The following ALG6 variants were observed in gnomAD, a reference collection of about 807,000 sequenced individuals.
ALG6 encodes ALG6 alpha-1,3-glucosyltransferase.
In ALG6, 46 loss-of-function variants were observed where a neutral mutation model predicts 66.6. The observed-to-expected ratio is 0.69, with a 90% CI of 0.55 to 0.88. ALG6 has a LOEUF of 0.88. Among genes scored for constraint, ALG6 ranks in the 40% least tolerant of loss-of-function variants. The probability of loss-of-function intolerance (pLI) is 0.00; values close to 1 mark genes in which losing one functional copy is unlikely to be tolerated. For missense variants in ALG6, 505 were observed against 586.8 expected, an observed-to-expected ratio of 0.86 and a Z score of 1.44; for synonymous variants, 185 against 203.7, an observed-to-expected ratio of 0.91 and a Z score of 0.78.
intron 2 of ALG6, among the ~76,000 whole-genome samples, chr1:63,375,437 TC>T (rs1342291198): frequency 1.4e-5 from 2 of 140,140 alleles, no homozygotes; most frequent in South Asian, 2.3e-4. Context: ...TTTTTTTTTT[TC>T]CAGTAGAGAC....
intron 12 of ALG6, among the ~76,000 whole-genome samples, chr1:63,420,562 A>G (rs1644568074): frequency 6.6e-6 from 1 of 152,256 alleles, no homozygotes; most frequent in East Asian, 1.9e-4. Context: ...TACAGTTTGC[A>G]TTAAAAGTTC....
At chr1:63,381,251 A>G (rs948719417) in intron 2 of ALG6, among the ~76,000 whole-genome samples, 20 of 152,232 alleles carry the variant, frequency 1.3e-4, no homozygotes, top group African/African-American at 4.3e-4. Flanking sequence ...TCAGGAGATC[A>G]AGACCATCCT....
intron 12 of ALG6, among the ~76,000 whole-genome samples, chr1:63,427,521 T>C (rs988505546): frequency 1.3e-5 from 2 of 152,104 alleles, no homozygotes; most frequent in East Asian, 3.9e-4. Flanking sequence ...TTTAAAAAAG[T>C]AAACACTAGA....
In ALG6 at chr1:63,414,049, A is replaced by G. The variant is rs1174891074; in HGVS notation, c.817-12A>G. 6.3e-7 allele frequency: 1 copy of G among 1,584,478 alleles called. No homozygotes were observed. The highest frequency in any genetic ancestry group is 8.7e-7 in the Non-Finnish European group (1 of 1,153,722). On this transcript the variant is annotated splice_polypyrimidine_tract_variant and intron_variant, in intron 9 of 14. Coordinates refer to ENST00000263440, the MANE Select transcript of ALG6 (RefSeq NM_013339.4). Reference sequence around the variant, plus strand: ...TTATACCAGAATGTAAAGCTAACAAATCTCTTTTAAGGATAAAGTAGCCAA... The same window carrying G: ...TTATACCAGAATGTAAAGCTAACAAGTCTCTTTTAAGGATAAAGTAGCCAA...
chr1:63,413,882 A>C, intron 9 of ALG6, 179 bp from the exon 10 acceptor site: 1 of 524,594 alleles, frequency 1.9e-6, no homozygotes, highest in South Asian at 2.2e-5. Flanking sequence ...AAAATGAAAA[A>C]TGCTTGAGAC....
At chr1:63,426,969 C>T (rs566090349) in intron 12 of ALG6, among the ~76,000 whole-genome samples, 30 of 152,178 alleles carry the variant, frequency 2.0e-4, no homozygotes, top group African/African-American at 7.0e-4. Context: ...TATTAATATG[C>T]GTCCATTCTC....
chr1:63,412,661 G>A (rs1644522848), intron 9 of ALG6, among the ~76,000 whole-genome samples: 1 of 151,992 alleles, frequency 6.6e-6, no homozygotes, highest in Admixed American at 6.6e-5. Context: ...TTCATCCATA[G>A]TAATTTTTAA....
At chr1:63,430,497 C>T (rs1272929008) in intron 14 of ALG6, among the ~76,000 whole-genome samples, 1 of 152,198 alleles carries the variant, frequency 6.6e-6, no homozygotes, top group Non-Finnish European at 1.5e-5. Context: ...CAAAGTGCAG[C>T]ACAATTCTTC....
At position 63,433,377 on chromosome 1, in the gene ALG6, A is replaced by G. The variant is rs1221184414; in HGVS notation, c.1327-3446A>G. Among the ~76,000 whole-genome samples the G allele has an allele frequency of 6.6e-6, 1 of 152,016 alleles. No individual in the cohort carries two copies. Among genetic ancestry groups the G allele is most frequent in the Non-Finnish European group, 1.5e-5 (1 of 67,990 alleles). Reference sequence around the variant, plus strand: ...GTTTCAAAGGAGATATTTTATATTTAGATCTTGTAGGAAGACAAGGCAGGT... The same window carrying G: ...GTTTCAAAGGAGATATTTTATATTTGGATCTTGTAGGAAGACAAGGCAGGT... On this transcript the variant is annotated intron_variant, in intron 14 of 14. Transcript: ENST00000263440. This position sits in a 1 kb window ranked among gnomAD's most constrained non-coding sequence, Gnocchi z 4.2.
intron 5 of ALG6, among the ~76,000 whole-genome samples, chr1:63,405,396 T>C (rs1462491179): frequency 6.6e-6 from 1 of 152,184 alleles, no homozygotes; most frequent in African/African-American, 2.4e-5. Context: ...AATTACTTTC[T>C]AAATTGAACT....
Position 63,436,910 on chromosome 1 carries a change from G to A in ALG6, c.1414G>A (p.Val472Ile), listed in dbSNP as rs1644682228. The A allele has an allele frequency of 8.7e-6, 14 of 1,613,798 alleles. No individual in the cohort carries two copies. Among genetic ancestry groups the A allele is most frequent in the Non-Finnish European group, 1.2e-5 (14 of 1,179,792 alleles). Residue 472 changes from valine to isoleucine, a missense_variant, in exon 15 of 15, where the codon GTA (valine) becomes ATA (isoleucine). Coordinates refer to ENST00000263440, the MANE Select transcript of ALG6 (RefSeq NM_013339.4). ...PPQKLPDLFS[V>I]LVCFVSCLNF... Reference sequence around the variant, plus strand: ...TCAGAAACTACCGGACTTGTTTTCTGTATTGGTGTGTTTTGTATCTTGCTT... The same window carrying A: ...TCAGAAACTACCGGACTTGTTTTCTATATTGGTGTGTTTTGTATCTTGCTT...
At chr1:63,384,245 A>T (rs569392638) in intron 2 of ALG6, among the ~76,000 whole-genome samples, 1 of 152,270 alleles carries the variant, frequency 6.6e-6, no homozygotes, top group African/African-American at 2.4e-5. Context: ...ATCATCAGTG[A>T]TGTTGAGCAC....
At chr1:63,388,010 C>CT (rs1410706398) in intron 2 of ALG6, among the ~76,000 whole-genome samples, 2 of 152,096 alleles carry the variant, frequency 1.3e-5, no homozygotes. Flanking sequence ...AGGCAACAGA[C>CT]TGTTCAAGCG....
At chr1:63,404,673 T>G in intron 5 of ALG6, 132 bp downstream of exon 5, 1 of 746,734 alleles carries the variant, frequency 1.3e-6, no homozygotes, top group Non-Finnish European at 2.4e-6. Context: ...TTTACAAATA[T>G]ACATATTTGT....
chr1:63,378,203 C>G (rs1648192878), intron 2 of ALG6, among the ~76,000 whole-genome samples: 1 of 151,798 alleles, frequency 6.6e-6, no homozygotes, highest in Admixed American at 6.6e-5. Flanking sequence ...TCTGAAAATG[C>G]CTTTATTTGG....
chr1:63,387,532 C>CTCTTT (rs780187352), intron 2 of ALG6, among the ~76,000 whole-genome samples: 17 of 59,492 alleles, frequency 2.9e-4, no homozygotes, highest in Admixed American at 1.7e-3. Context: ...TTGTCTTTCT[C>CTCTTT]TTTTTTTTTT....
intron 12 of ALG6, among the ~76,000 whole-genome samples, chr1:63,422,689 C>T (rs187004415): frequency 2.7e-3 from 412 of 151,818 alleles, no homozygotes; most frequent in Non-Finnish European, 3.6e-3. Context: ...GGCACAGTGG[C>T]TCATGCCTGT....
intron 14 of ALG6, among the ~76,000 whole-genome samples, chr1:63,432,781 T>C (rs1644654087): frequency 6.6e-6 from 1 of 152,238 alleles, no homozygotes; most frequent in Admixed American, 6.5e-5. Context: ...AAGTTGTTGT[T>C]GTTGAGACAG....
At chr1:63,382,685 T>G (rs868644277) in intron 2 of ALG6, among the ~76,000 whole-genome samples, 3,711 of 87,900 alleles carry the variant, frequency 0.042, 178 homozygotes, top group African/African-American at 0.15. Context: ...TTTTGTTTTT[T>G]TTTTTTTTGA....
Sources: gnomAD v4.1 joint callset for allele counts (sites outside exome capture counted in the v4.1 genomes callset) on GRCh38, gnomAD v4.1.1 for gene constraint, Gnocchi (gnomAD v3.1) non-coding constraint, MANE v1.5 for transcripts, NCBI Gene and HGNC (gene_info 2026-07-23, HGNC 2026-07-21) for gene names.